LUC7L2: variants seen among roughly 807,000 people sequenced by gnomAD.
LUC7L2 encodes the protein putative RNA-binding protein Luc7-like 2.
A neutral mutation model predicts 52.8 loss-of-function variants in LUC7L2; 25 were observed. The ratio of observed to expected loss-of-function variants is 0.47; its 90% confidence interval spans 0.34 to 0.66. LUC7L2 has a LOEUF of 0.66. Among genes scored for constraint, LUC7L2 ranks in the 30% least tolerant of loss-of-function variants. The pLI is 0.01. For synonymous variants in LUC7L2, 144 were observed against 160.9 expected (o/e 0.89, Z 0.80); for missense variants, 328 against 497.8 (o/e 0.66, Z 3.25).
chr7:139,368,700 T>G (rs1800290354), intron 1 of LUC7L2, among the ~76,000 whole-genome samples: 1 of 143,264 alleles, frequency 7.0e-6, no homozygotes, highest in South Asian at 2.1e-4. Flanking sequence ...ATGGTGCCAA[T>G]GCACTCCAGC....
At chr7:139,387,539 CAAAAG>C (rs1304779621) in intron 2 of LUC7L2, among the ~76,000 whole-genome samples, 4 of 151,878 alleles carry the variant, frequency 2.6e-5, no homozygotes, top group African/African-American at 9.7e-5. Flanking sequence ...CTGATGGAAA[CAAAAG>C]AAACAAATGG....
chr7:139,383,405 GATTT>G (rs776509908), intron 2 of LUC7L2, among the ~76,000 whole-genome samples: 7 of 141,494 alleles, frequency 4.9e-5, no homozygotes, highest in East Asian at 2.2e-4. Context: ...GGCTTTATTG[GATTT>G]ATTTATTTAT....
intron 2 of LUC7L2, among the ~76,000 whole-genome samples, chr7:139,385,532 G>C (rs1317702614): frequency 5.9e-5 from 9 of 151,844 alleles, no homozygotes; most frequent in Non-Finnish European, 1.3e-4. Flanking sequence ...TGCTGTCCAG[G>C]CTCTTCTCAA....
chr7:139,380,659 A>T (rs562768967), intron 2 of LUC7L2, among the ~76,000 whole-genome samples: 1 of 152,322 alleles, frequency 6.6e-6, no homozygotes, highest in African/African-American at 2.4e-5. Flanking sequence ...GAATATATTC[A>T]TATTGTAGTC....
intron 1 of LUC7L2, chr7:139,345,779 AT>A: frequency 1.5e-5 from 22 of 1,427,446 alleles, no homozygotes; most frequent in Non-Finnish European, 1.9e-5. Context: ...TTATCATTAA[AT>A]TTTTTTTAAG....
rs1795973652 is a variant in LUC7L2, at chr7:139,423,311, A to G, written c.*971A>G. On this transcript the variant is annotated 3_prime_UTR_variant, in exon 10 of 10. Transcript: ENST00000354926. ...TGCAAAGATTCCAGATGAGCTGTTC[A>G]TGTGGGCCCCTTGCTGACTATATTC... is the stretch of plus-strand genomic sequence containing the variant. 2 of 399,080 alleles carry G rather than the reference A, an allele frequency of 5.0e-6. No individual in the cohort carries two copies. Among genetic ancestry groups the G allele is most frequent in the Admixed American group, 4.4e-5 (1 of 22,736 alleles). The allele number at this position is 399,080 out of a possible 1,614,324, so 24.7% of individuals were successfully genotyped here. A position where few individuals can be genotyped will look rare whatever the true frequency, so the allele number is the denominator to read the frequency against.
upstream of LUC7L2, chr7:139,359,628 C>G (rs991787040): frequency 1.3e-5 from 5 of 396,838 alleles, no homozygotes; most frequent in Admixed American, 2.2e-4. Context: ...GCCATCACCG[C>G]GGGCAGCGCA....
In LUC7L2 at chr7:139,398,655, T is replaced by C. The variant is rs751873571; in HGVS notation, c.213T>C (p.Tyr71=). The C allele has an allele frequency of 6.2e-7, 1 of 1,612,750 alleles. No individual in the cohort carries two copies. Among genetic ancestry groups the C allele is most frequent in the Non-Finnish European group, 8.5e-7 (1 of 1,179,568 alleles). Residue 71 remains tyrosine, a synonymous_variant, in exon 3 of 10, where the codon TAT becomes TAC. Transcript: ENST00000354926. ...KVHDLALRAD[Y]EIASKEQDFF... ...ATGACCTGGCTTTAAGAGCGGATTA[T>C]GAAATTGCATCCAAAGAACAAGATT...
intron 3 of LUC7L2, among the ~76,000 whole-genome samples, chr7:139,401,248 TAAAAG>T (rs1794902066): frequency 6.6e-6 from 1 of 152,134 alleles, no homozygotes; most frequent in South Asian, 2.1e-4. Flanking sequence ...TTTGGAGAAT[TAAAAG>T]AAAAAAGGGT....
At chr7:139,370,758 C>T (rs183366385) in intron 1 of LUC7L2, among the ~76,000 whole-genome samples, 1 of 152,192 alleles carries the variant, frequency 6.6e-6, no homozygotes, top group African/African-American at 2.4e-5. Context: ...CCCAGTGACA[C>T]AAGGTTTTAC....
At chr7:139,396,322 G>C (rs1794662183) in intron 2 of LUC7L2, among the ~76,000 whole-genome samples, 1 of 152,066 alleles carries the variant, frequency 6.6e-6, no homozygotes, top group African/African-American at 2.4e-5. Flanking sequence ...GGTGGTCCCA[G>C]CTACTTGTCG....
intron 2 of LUC7L2, 53 bp from the exon 3 acceptor site, chr7:139,398,546 A>G: frequency 1.4e-6 from 2 of 1,473,592 alleles, no homozygotes; most frequent in Non-Finnish European, 9.1e-7. Flanking sequence ...TTGTTGAAGC[A>G]TTTTTTAAAA....
chr7:139,386,604 T>TTC (rs60908250), intron 2 of LUC7L2, among the ~76,000 whole-genome samples: 57,876 of 150,800 alleles, frequency 0.38, 15,508 homozygotes, highest in African/African-American at 0.77. Context: ...GAGACGGGGT[T>TTC]ACCGTGTTAG....
intron 2 of LUC7L2, among the ~76,000 whole-genome samples, chr7:139,388,556 G>A (rs993981057): frequency 6.6e-6 from 1 of 151,630 alleles, no homozygotes; most frequent in African/African-American, 2.4e-5. Context: ...CTGGAAAAAT[G>A]CTTGAGCTGT....
intron 2 of LUC7L2, among the ~76,000 whole-genome samples, chr7:139,381,790 G>C (rs1801038061): frequency 6.6e-6 from 1 of 151,670 alleles, no homozygotes; most frequent in Non-Finnish European, 1.5e-5. Flanking sequence ...TGGTCAGGCT[G>C]GTCTCGAACT....
rs1031913090 is a variant in LUC7L2 at position 139,422,477 on chromosome 7, G to C, written c.*137G>C. ...AGGCTAGATGTACAGTATCTAACTT[G>C]ATCTGAACTGAACCTGTTTTCCTTG... On this transcript the variant is annotated 3_prime_UTR_variant, in exon 10 of 10. Transcript: ENST00000354926. 7.2e-7 allele frequency: 1 copy of C among 1,393,412 alleles called. No homozygotes were observed. 86.3% of individuals were successfully genotyped at this position (1,393,412 alleles called of 1,614,324 possible).
intron 2 of LUC7L2, among the ~76,000 whole-genome samples, chr7:139,382,378 G>GTCTT (rs1332567108): frequency 2.3e-5 from 3 of 131,542 alleles, no homozygotes; most frequent in Non-Finnish European, 4.8e-5. Context: ...TATTGTCACA[G>GTCTT]TCTTTATTTA....
chr7:139,393,306 C>G lies in LUC7L2; in HGVS notation c.157-5293C>G, dbSNP rs186924547. On this transcript the variant is annotated intron_variant, in intron 2 of 9. Coordinates refer to ENST00000354926, the MANE Select transcript of LUC7L2 (RefSeq NM_016019.5). ...GGTATGGTGATGTGTGCCTGTTGGT[C>G]CCAGCTACTCAGGTGTCAGGTGGCT... Among the ~76,000 whole-genome samples the G allele has an allele frequency of 4.6e-5, 7 of 151,790 alleles. No individual in the cohort carries two copies. The East Asian group carries it at 1.4e-3, about 30-fold the overall frequency.
At chr7:139,420,186 C>T (rs144737136) in intron 9 of LUC7L2, among the ~76,000 whole-genome samples, 215 of 152,204 alleles carry the variant, frequency 1.4e-3, no homozygotes, top group Non-Finnish European at 2.6e-3. Context: ...TACTTGGGTT[C>T]ATTGGTTTAG....
Sources: gnomAD v4.1 joint callset for allele counts (sites outside exome capture counted in the v4.1 genomes callset) on GRCh38, gnomAD v4.1.1 for gene constraint, MANE v1.5 for transcripts, NCBI Gene and HGNC (gene_info 2026-07-23, HGNC 2026-07-21) for gene names.